Variants in LRP5 observed in about 807,000 individuals in gnomAD.
The protein encoded by LRP5 is LDL receptor related protein 5.
LRP5 carries 62 observed loss-of-function variants against 154.1 expected under a neutral mutation model. The observed-to-expected ratio is 0.40, with a 90% CI of 0.33 to 0.50. The LOEUF (loss-of-function observed/expected upper bound fraction) is 0.50, where lower values mean the gene tolerates loss of function less well. Ranked by LOEUF, LRP5 falls within the 20% of genes least tolerant of loss-of-function variation. The probability of loss-of-function intolerance (pLI) is 0.55; values close to 1 mark genes in which losing one functional copy is unlikely to be tolerated. For missense variants in LRP5, 1,915 were observed against 2,336.7 expected (o/e 0.82, Z 3.72); for synonymous variants, 966 against 1,011.5 (o/e 0.96, Z 0.85).
chr11:68,416,916 A>T (rs984594373), intron 13 of LRP5, among the ~76,000 whole-genome samples: 1 of 152,230 alleles, frequency 6.6e-6, no homozygotes, highest in Admixed American at 6.5e-5. Flanking sequence ...CTTCTGAAAG[A>T]CACCTATGCA....
intron 5 of LRP5, among the ~76,000 whole-genome samples, chr11:68,375,200 C>T (rs904939163): frequency 3.3e-5 from 5 of 152,298 alleles, no homozygotes; most frequent in African/African-American, 7.2e-5. Context: ...TTTCACTGAC[C>T]GTGCCCTGTG....
At chr11:68,389,004 C>A (rs2098644573) in intron 6 of LRP5, among the ~76,000 whole-genome samples, 2 of 152,170 alleles carry the variant, frequency 1.3e-5, no homozygotes, top group Non-Finnish European at 2.9e-5. Flanking sequence ...ACACTGTTTA[C>A]CAACACTGAC....
At chr11:68,438,805 C>T (rs1047776503) in intron 20 of LRP5, 123 bp downstream of exon 20, 5 of 811,968 alleles carry the variant, frequency 6.2e-6, no homozygotes, top group African/African-American at 1.7e-5. Flanking sequence ...CATTGCTAAT[C>T]GATCACAGCA....
intron 2 of LRP5, among the ~76,000 whole-genome samples, chr11:68,349,717 A>T (rs141895216): frequency 1.1e-3 from 173 of 152,072 alleles, no homozygotes; most frequent in Non-Finnish European, 2.0e-3. Flanking sequence ...GTTTAAGGGG[A>T]GGTGGCCCAG....
At chr11:68,357,235 G>A (rs1443899391) in intron 2 of LRP5, among the ~76,000 whole-genome samples, 5 of 152,200 alleles carry the variant, frequency 3.3e-5, no homozygotes, top group African/African-American at 7.2e-5. Flanking sequence ...GGGCCCAGCC[G>A]ATAGCTCATT....
rs4988332 is a variant in LRP5, at chr11:68,403,761, C to T, written c.1801+62C>T. ...GCAGACTTGCATGAGGAGGAAGTGA[C>T]GGGTCCATGCCTGGGCATAAGTGTT... is the stretch of plus-strand genomic sequence containing the variant. On this transcript the variant is annotated intron_variant, in intron 8 of 22. Coordinates refer to ENST00000294304, the MANE Select transcript of LRP5 (RefSeq NM_002335.4). The T allele has an allele frequency of 0.02, 31,981 of 1,594,334 alleles. 395 individuals are homozygous for T. The highest frequency in any genetic ancestry group is 0.09 in the Middle Eastern group (400 of 4,454).
intron 7 of LRP5, among the ~76,000 whole-genome samples, chr11:68,399,732 C>T (rs1209564057): frequency 6.6e-6 from 1 of 152,232 alleles, no homozygotes; most frequent in Non-Finnish European, 1.5e-5. Flanking sequence ...AAGGCAGAGG[C>T]CTCCTGAGTC....
intron 7 of LRP5, among the ~76,000 whole-genome samples, chr11:68,400,344 T>A (rs189841672): frequency 6.6e-6 from 1 of 152,246 alleles, no homozygotes; most frequent in Admixed American, 6.5e-5. Context: ...CTCACTTCAG[T>A]TCAACATGTC....
At chr11:68,444,472 A>G (rs57577949) in intron 21 of LRP5, among the ~76,000 whole-genome samples, 25,460 of 151,830 alleles carry the variant, frequency 0.17, 2,263 homozygotes, top group Middle Eastern at 0.32. Flanking sequence ...AGCCGAGATC[A>G]TGCCATTGTA....
intron 8 of LRP5, chr11:68,404,284 C>A: frequency 1.9e-6 from 1 of 529,130 alleles, no homozygotes; most frequent in Non-Finnish European, 3.7e-6. Flanking sequence ...CTGGGGCTCG[C>A]GGGCAGGGAC....
chr11:68,364,932 C>T lies in LRP5; in HGVS notation c.884-639C>T, dbSNP rs192489439. ...CGTATTTTGGGGCTGCTACACCCAG[C>T]TTTCCCCTGGTTTGAATGAGGTGCT... On this transcript the variant is annotated intron_variant, in intron 4 of 22. Transcript: ENST00000294304. 8.6e-5 allele frequency among the ~76,000 whole-genome samples: 13 copies of T among 151,790 alleles called. No individual in the cohort carries two copies. In the East Asian group the frequency reaches 1.7e-3, roughly 20 times the overall value.
rs78736278 is a variant in LRP5 at position 68,436,583 on chromosome 11, C to T, written c.4001-306C>T. Among the ~76,000 whole-genome samples, 210 of 152,138 alleles carry T rather than the reference C, an allele frequency of 1.4e-3. 4 individuals are homozygous for T. In the East Asian group the frequency reaches 0.033, roughly 24 times the overall value. On this transcript the variant is annotated intron_variant, in intron 18 of 22. Transcript: ENST00000294304. The stretch of plus-strand genomic sequence containing the variant: ...CCCACCAACCTGGTAGAGCCTTGGG[C>T]GGGGTCTGTTACTCCTTGCATGGCG...
intron 3 of LRP5, among the ~76,000 whole-genome samples, chr11:68,361,912 G>A (rs758673054): frequency 3.5e-4 from 54 of 152,202 alleles, no homozygotes; most frequent in Admixed American, 1.0e-3. Context: ...CAGCAATTCC[G>A]CTCCTAGCTG....
intron 9 of LRP5, among the ~76,000 whole-genome samples, chr11:68,408,899 A>G (rs963931151): frequency 3.3e-5 from 5 of 150,972 alleles, no homozygotes; most frequent in African/African-American, 7.3e-5. Context: ...AACTTTTTTA[A>G]TAAGTCGGGC....
At chr11:68,365,472 T>G in intron 4 of LRP5, 99 bp from the exon 5 acceptor site, 1 of 1,573,818 alleles carries the variant, frequency 6.4e-7, no homozygotes, top group South Asian at 1.1e-5. Context: ...AGGGACACAC[T>G]GGAGGCTGTC....
chr11:68,438,173 C>T (rs935731190), intron 19 of LRP5, among the ~76,000 whole-genome samples: 2 of 152,192 alleles, frequency 1.3e-5, no homozygotes, highest in African/African-American at 4.8e-5. Flanking sequence ...GAGTGAATAC[C>T]AGGCTGCCTT....
chr11:68,425,353 G>C, intron 15 of LRP5, 61 bp downstream of exon 15: 1 of 1,519,300 alleles, frequency 6.6e-7, no homozygotes, highest in East Asian at 2.4e-5. Flanking sequence ...AGTAATGGCA[G>C]CAGCTGCCAC....
the LRP5 span, among the ~76,000 whole-genome samples, chr11:68,302,782 C>A: frequency 6.6e-6 from 1 of 152,238 alleles, no homozygotes; most frequent in South Asian, 2.1e-4. Flanking sequence ...AGCTGTCTGG[C>A]GGGCCGTGGC....
At chr11:68,321,058 G>GGTTT (rs1565314669) in intron 1 of LRP5, among the ~76,000 whole-genome samples, 1 of 119,792 alleles carries the variant, frequency 8.3e-6, no homozygotes. Flanking sequence ...TTCTGTCTGG[G>GGTTT]TTTTTTTTTT....
Sources: allele counts gnomAD v4.1 joint callset (sites outside exome capture counted in the v4.1 genomes callset), GRCh38; gene constraint gnomAD v4.1.1; transcripts MANE v1.5; gene names NCBI Gene and HGNC (gene_info 2026-07-23, HGNC 2026-07-21).